Variants in KIF26B observed in about 807,000 individuals in gnomAD.
KIF26B encodes the protein kinesin family member 26B, also known as kinesin-like protein KIF26B.
In KIF26B, 63 loss-of-function variants were observed where a neutral mutation model predicts 151.2. The observed-to-expected ratio is 0.42, with a 90% CI of 0.34 to 0.51. The LOEUF (loss-of-function observed/expected upper bound fraction) is 0.51, where lower values mean the gene tolerates loss of function less well. Among genes scored for constraint, KIF26B ranks in the 20% least tolerant of loss-of-function variants. KIF26B has a pLI of 0.07. For missense variants in KIF26B, 2,813 were observed against 2,913.6 expected (o/e 0.97, Z 0.79); for synonymous variants, 1,357 against 1,262.1 (o/e 1.08, Z -1.59).
intron 4 of KIF26B, among the ~76,000 whole-genome samples, chr1:245,532,159 G>T (rs1003382152): frequency 2.6e-5 from 4 of 152,062 alleles, no homozygotes; most frequent in African/African-American, 9.7e-5. Flanking sequence ...ATGATCCACG[G>T]GGGCTGAAGT....
Position 245,540,205 on chromosome 1 carries a change from G to T in KIF26B, c.1167-562G>T, listed in dbSNP as rs181689892. 3.8e-3 allele frequency among the ~76,000 whole-genome samples: 572 copies of T among 152,228 alleles called. 4 individuals carry two copies. Among genetic ancestry groups the T allele is most frequent in the South Asian group, 8.5e-3 (41 of 4,814 alleles). ...CATAGCCTCAGCGCCCTGCACCCTGGTTGGAGTTCACCTTCTGATTTGGTG... is the reference window on the plus strand; with the variant it reads ...CATAGCCTCAGCGCCCTGCACCCTGTTTGGAGTTCACCTTCTGATTTGGTG... On this transcript the variant is annotated intron_variant, in intron 4 of 14. Transcript: ENST00000407071. The surrounding 1 kb of genome is among the most constrained non-coding windows in gnomAD (Gnocchi z 4.6).
chr1:245,450,936 G>GT (rs1435568444), intron 4 of KIF26B, among the ~76,000 whole-genome samples: 2 of 152,170 alleles, frequency 1.3e-5, no homozygotes, highest in Non-Finnish European at 2.9e-5. Flanking sequence ...ATGCTGCTAA[G>GT]TAATTTCTTG....
intron 4 of KIF26B, among the ~76,000 whole-genome samples, chr1:245,435,009 ATCCATCCATCTC>A (rs1658871793): frequency 6.7e-6 from 1 of 149,246 alleles, no homozygotes; most frequent in Non-Finnish European, 1.5e-5. Context: ...CCATCCATCC[ATCCATCCATCTC>A]TCCATCCACC....
intron 4 of KIF26B, among the ~76,000 whole-genome samples, chr1:245,500,556 G>C (rs749791556): frequency 6.6e-6 from 1 of 152,214 alleles, no homozygotes; most frequent in Non-Finnish European, 1.5e-5. Flanking sequence ...AACATGCTCG[G>C]TGCCTGAAGC....
At chr1:245,604,316 A>G (rs1218099410) in intron 6 of KIF26B, among the ~76,000 whole-genome samples, 3 of 152,208 alleles carry the variant, frequency 2.0e-5, no homozygotes, top group African/African-American at 2.4e-5. Context: ...GCATCTGAGT[A>G]GAGGAGGTGG....
intron 2 of KIF26B, among the ~76,000 whole-genome samples, chr1:245,255,041 C>T (rs1229082151): frequency 6.6e-6 from 1 of 152,280 alleles, no homozygotes; most frequent in Non-Finnish European, 1.5e-5. Flanking sequence ...GGTGAGGACT[C>T]GCCCTCATGA....
rs1158852680 is a variant in KIF26B at position 245,156,278 on chromosome 1, G to T, written c.64-4G>T. The T allele has an allele frequency of 1.3e-6, 2 of 1,545,412 alleles. No individual in the cohort carries two copies. The highest frequency in any genetic ancestry group is 2.8e-5 in the African/African-American group (2 of 72,350). On this transcript the variant is annotated splice_region_variant and splice_polypyrimidine_tract_variant and intron_variant, in intron 1 of 14. Coordinates refer to ENST00000407071, the MANE Select transcript of KIF26B (RefSeq NM_018012.4). Reference sequence around the variant, plus strand: ...CCCCTGACACCGGCGTGTCTTCCCCGCAGGTGAATGAAGTCTGCTCGCCCA... The same window carrying T: ...CCCCTGACACCGGCGTGTCTTCCCCTCAGGTGAATGAAGTCTGCTCGCCCA...
intron 5 of KIF26B, among the ~76,000 whole-genome samples, chr1:245,544,055 C>CA (rs1311057644): frequency 2.0e-5 from 3 of 152,176 alleles, no homozygotes; most frequent in African/African-American, 7.2e-5. Context: ...TCTGCCCTAC[C>CA]ATATGGTGCC....
chr1:245,177,068 C>T (rs1573690068), intron 2 of KIF26B, among the ~76,000 whole-genome samples: 3 of 152,326 alleles, frequency 2.0e-5, no homozygotes, highest in Admixed American at 2.0e-4. Context: ...GATCTGCTTG[C>T]CTCAGCCTCC....
intron 2 of KIF26B, among the ~76,000 whole-genome samples, chr1:245,288,041 A>G (rs5013984): frequency 0.64 from 97,320 of 151,562 alleles, 31,844 homozygotes; most frequent in African/African-American, 0.77. Flanking sequence ...CAAGTTCCAT[A>G]TACCAAATTA....
At chr1:245,662,202 T>G (rs1321640642) in intron 10 of KIF26B, among the ~76,000 whole-genome samples, 1 of 149,792 alleles carries the variant, frequency 6.7e-6, no homozygotes, top group Non-Finnish European at 1.5e-5. Context: ...TACCCAATGA[T>G]ATATATAATA....
chr1:245,180,312 G>A (rs1016937456), intron 2 of KIF26B, among the ~76,000 whole-genome samples: 3 of 151,392 alleles, frequency 2.0e-5, no homozygotes, highest in African/African-American at 7.3e-5. Context: ...GAGAGAGAGA[G>A]AGAGGAGTGG....
At chr1:245,643,502 G>A (rs536112356) in intron 9 of KIF26B, among the ~76,000 whole-genome samples, 48 of 152,024 alleles carry the variant, frequency 3.2e-4, no homozygotes, top group South Asian at 2.1e-3. Flanking sequence ...CATTTCTCCC[G>A]TCTGACTTTT....
At chr1:245,617,903 C>G (rs1771519) in intron 9 of KIF26B, among the ~76,000 whole-genome samples, 105,098 of 151,868 alleles carry the variant, frequency 0.69, 36,523 homozygotes, top group East Asian at 0.89. Context: ...TCAGTTTCCC[C>G]CCTGCTCCTT....
chr1:245,489,334 G>A (rs1281635542), intron 4 of KIF26B, among the ~76,000 whole-genome samples: 2 of 152,202 alleles, frequency 1.3e-5, no homozygotes, highest in Non-Finnish European at 2.9e-5. Flanking sequence ...AACATGGACT[G>A]GACTTCTGAT....
At position 245,235,930 on chromosome 1, in the gene KIF26B, ATTT is replaced by A. The variant is rs35318362; in HGVS notation, c.465+79262_465+79264del. Among the ~76,000 whole-genome samples the A allele has an allele frequency of 1.7e-4, 20 of 118,300 alleles. No individual in the cohort carries two copies. In the South Asian group the frequency reaches 2.5e-3, roughly 15 times the overall value. 77.6% of individuals were successfully genotyped at this position (118,300 alleles called of 152,430 possible). A position where few individuals can be genotyped will look rare whatever the true frequency, so the allele number is the denominator to read the frequency against. On this transcript the variant is annotated intron_variant, in intron 2 of 14. Coordinates refer to ENST00000407071, the MANE Select transcript of KIF26B (RefSeq NM_018012.4). ...GCTGCTTGTACACACTGCATCACTT[ATTT>A]TTTTTTTTTTTTTTGAGACAGAGTC...
At chr1:245,546,510 A>G (rs1366661359) in intron 5 of KIF26B, among the ~76,000 whole-genome samples, 1 of 152,204 alleles carries the variant, frequency 6.6e-6, no homozygotes, top group African/African-American at 2.4e-5. Context: ...CCAATTCCTC[A>G]TTATTATTGC....
Position 245,540,503 on chromosome 1 carries a change from T to C in KIF26B, c.1167-264T>C. The C allele has an allele frequency of 1.5e-6, 1 of 665,128 alleles. No homozygotes were observed. Among genetic ancestry groups the C allele is most frequent in the Non-Finnish European group, 2.8e-6 (1 of 361,798 alleles). The allele number at this position is 665,128 out of a possible 1,614,324, so 41.2% of individuals were successfully genotyped here. A position where few individuals can be genotyped will look rare whatever the true frequency, so the allele number is the denominator to read the frequency against. ...CCTGCTTAAGCTGAATGTTGGTGGA[T>C]AACACATCATTCTTTGTAAATCGTG... On this transcript the variant is annotated intron_variant, in intron 4 of 14. Coordinates refer to ENST00000407071, the MANE Select transcript of KIF26B (RefSeq NM_018012.4). This position sits in a 1 kb window ranked among gnomAD's most constrained non-coding sequence, Gnocchi z 4.6.
At chr1:245,520,252 A>C (rs938597506) in intron 4 of KIF26B, among the ~76,000 whole-genome samples, 1 of 152,136 alleles carries the variant, frequency 6.6e-6, no homozygotes, top group Non-Finnish European at 1.5e-5. Context: ...TATGAAGCAC[A>C]AGTCTACAAC....
Sources: allele counts gnomAD v4.1 joint callset (sites outside exome capture counted in the v4.1 genomes callset), GRCh38; gene constraint gnomAD v4.1.1; non-coding constraint Gnocchi (gnomAD v3.1); transcripts MANE v1.5; gene names NCBI Gene and HGNC (gene_info 2026-07-23, HGNC 2026-07-21).